FAM107B: variants seen among roughly 807,000 people sequenced by gnomAD.
FAM107B encodes family with sequence similarity 107 member B.
FAM107B carries 21 observed loss-of-function variants against 31.5 expected under a neutral mutation model. That is an observed-to-expected ratio of 0.67 (90% CI 0.47 to 0.96). The LOEUF is 0.96. Among genes scored for constraint, FAM107B ranks in the 40% least tolerant of loss-of-function variants. The pLI, the probability that FAM107B is intolerant of heterozygous loss-of-function variation, is 0.00. For synonymous variants in FAM107B, 157 were observed against 141.5 expected, an observed-to-expected ratio of 1.11 and a Z score of -0.78; for missense variants, 452 against 377.1, an observed-to-expected ratio of 1.20 and a Z score of -1.64.
intron 1 of FAM107B, among the ~76,000 whole-genome samples, chr10:14,758,198 T>C (rs1832967744): frequency 1.3e-5 from 2 of 152,240 alleles, no homozygotes; most frequent in African/African-American, 4.8e-5. Flanking sequence ...TACTTTGTTC[T>C]GCCCCTGACT....
chr10:14,706,724 G>C (rs1040705449), intron 1 of FAM107B, among the ~76,000 whole-genome samples: 1 of 152,146 alleles, frequency 6.6e-6, no homozygotes, highest in African/African-American at 2.4e-5. Flanking sequence ...TTTAGTCCAT[G>C]CTGGAGACTA....
chr10:14,575,199 TTTTG>T (rs1851425760), intron 2 of FAM107B, among the ~76,000 whole-genome samples: 1 of 128,932 alleles, frequency 7.8e-6, no homozygotes. Context: ...TAAAGAAGCT[TTTTG>T]TTTTTTTGTT....
chr10:14,532,813 C>T (rs1222677499), intron 2 of FAM107B: 2 of 152,264 alleles, frequency 1.3e-5, no homozygotes, highest in Non-Finnish European at 2.9e-5. Flanking sequence ...CATAGATAAT[C>T]TCCACGATGC....
At chr10:14,669,922 G>C (rs758023497) in intron 1 of FAM107B, among the ~76,000 whole-genome samples, 7 of 152,232 alleles carry the variant, frequency 4.6e-5, no homozygotes, top group Non-Finnish European at 7.4e-5. Flanking sequence ...AGCTAGAAGA[G>C]AGAACTTGAA....
At chr10:14,615,989 T>C (rs1421871719) in intron 2 of FAM107B, among the ~76,000 whole-genome samples, 3 of 152,218 alleles carry the variant, frequency 2.0e-5, no homozygotes, top group Non-Finnish European at 4.4e-5. Flanking sequence ...TACTTCCCAA[T>C]TGTATAAAAG....
At chr10:14,689,579 G>C (rs1034183514) in intron 1 of FAM107B, among the ~76,000 whole-genome samples, 1 of 152,124 alleles carries the variant, frequency 6.6e-6, no homozygotes, top group African/African-American at 2.4e-5. Flanking sequence ...ACACATGCCA[G>C]TTAGGTGGAG....
At chr10:14,645,671 G>A (rs1376497606) in intron 2 of FAM107B, among the ~76,000 whole-genome samples, 1 of 152,144 alleles carries the variant, frequency 6.6e-6, no homozygotes, top group Non-Finnish European at 1.5e-5. Context: ...TTTTACAAGT[G>A]GAAAATAATG....
chr10:14,742,188 C>T (rs1315642145), intron 1 of FAM107B, among the ~76,000 whole-genome samples: 1 of 152,140 alleles, frequency 6.6e-6, no homozygotes, highest in Non-Finnish European at 1.5e-5. Context: ...CATGACCCAA[C>T]TCACTGTAGC....
intron 1 of FAM107B, among the ~76,000 whole-genome samples, chr10:14,677,268 G>A (rs1489171736): frequency 2.6e-5 from 4 of 152,114 alleles, no homozygotes; most frequent in Non-Finnish European, 5.9e-5. Flanking sequence ...TCTCAAACCC[G>A]TGATATAAAG....
At chr10:14,639,649 C>A (rs1588676233) in intron 2 of FAM107B, among the ~76,000 whole-genome samples, 1 of 152,164 alleles carries the variant, frequency 6.6e-6, no homozygotes, top group East Asian at 1.9e-4. Context: ...TGCTCCAAAC[C>A]TGAGGGCTTC....
intron 2 of FAM107B, chr10:14,553,335 A>G: frequency 7.9e-7 from 1 of 1,271,558 alleles, no homozygotes; most frequent in Admixed American, 2.5e-5. Flanking sequence ...AATACTTTGT[A>G]AAGCAGTTCC....
intron 1 of FAM107B, among the ~76,000 whole-genome samples, chr10:14,737,642 A>AC (rs1478570524): frequency 1.3e-5 from 2 of 151,616 alleles, no homozygotes; most frequent in African/African-American, 4.9e-5. Flanking sequence ...AAACAAACAA[A>AC]AAAGCAAGCA....
At chr10:14,530,270 AT>A in intron 3 of FAM107B, 61 bp downstream of exon 3, 1 of 1,475,212 alleles carries the variant, frequency 6.8e-7, no homozygotes, top group South Asian at 1.3e-5. Context: ...TACAATTAAA[AT>A]TAGATATCAT....
chr10:14,574,887 T>C (rs191718123), intron 2 of FAM107B, among the ~76,000 whole-genome samples: 22 of 152,296 alleles, frequency 1.4e-4, no homozygotes, highest in African/African-American at 4.8e-4. Flanking sequence ...AACAGGATGA[T>C]TGAATCCAGG....
chr10:14,657,459 C>G (rs1326556066), intron 2 of FAM107B, among the ~76,000 whole-genome samples: 1 of 152,156 alleles, frequency 6.6e-6, no homozygotes, highest in Non-Finnish European at 1.5e-5. Flanking sequence ...TAGGAGCATA[C>G]CATTGCTGGC....
chr10:14,723,529 C>T (rs914945504), intron 1 of FAM107B: 2 of 630,510 alleles, frequency 3.2e-6, no homozygotes, highest in Non-Finnish European at 5.9e-6. Context: ...GGCCAGCATA[C>T]ACCACATCAA....
At chr10:14,682,090 G>T (rs1402956161) in intron 1 of FAM107B, among the ~76,000 whole-genome samples, 2 of 152,170 alleles carry the variant, frequency 1.3e-5, no homozygotes, top group African/African-American at 4.8e-5. Context: ...TAGGATGTTG[G>T]AGTTATGCAA....
Position 14,628,112 on chromosome 10 carries a change from G to GTTTTTTTTTGTTTTTTTTTTTT in FAM107B, c.469+39521_469+39522insAAAAAAAAAAAACAAAAAAAAA, listed in dbSNP as rs58879328. Reference sequence around the variant, plus strand: ...TCCTTGTTTGTTTTTTGTTTTGCTGGTTTTTTTTTTTTTTTTTTTTTGAGA... The same window carrying GTTTTTTTTTGTTTTTTTTTTTT: ...TCCTTGTTTGTTTTTTGTTTTGCTGGTTTTTTTTTGTTTTTTTTTTTTTTTTTTTTTTTTTTTTTTTTTGAGA... On this transcript the variant is annotated intron_variant, in intron 2 of 4. Coordinates refer to ENST00000181796, the MANE Select transcript of FAM107B (RefSeq NM_031453.4). Among the ~76,000 whole-genome samples the GTTTTTTTTTGTTTTTTTTTTTT allele has an allele frequency of 1.1e-3, 105 of 92,682 alleles. 14 individuals carry two copies. The highest frequency in any genetic ancestry group is 8.3e-3 in the East Asian group (19 of 2,290). The allele number at this position is 92,682 out of a possible 152,430, so 60.8% of individuals were successfully genotyped here.
chr10:14,588,577 T>C (rs1267381727), intron 2 of FAM107B, among the ~76,000 whole-genome samples: 1 of 152,110 alleles, frequency 6.6e-6, no homozygotes, highest in Admixed American at 6.5e-5. Flanking sequence ...TGGCTCTTTG[T>C]GGGCAGCGCA....
Sources: allele counts gnomAD v4.1 joint callset (sites outside exome capture counted in the v4.1 genomes callset), GRCh38; gene constraint gnomAD v4.1.1; transcripts MANE v1.5; gene names NCBI Gene and HGNC (gene_info 2026-07-23, HGNC 2026-07-21).